The following TMCO1 variants were observed in gnomAD, a reference collection of about 807,000 sequenced individuals.
The protein encoded by TMCO1 is transmembrane and coiled-coil domains 1.
A neutral mutation model predicts 29.3 loss-of-function variants in TMCO1; 29 were observed. The ratio of observed to expected loss-of-function variants is 0.99; its 90% CI spans 0.74 to 1.35. TMCO1 has a LOEUF of 1.35. TMCO1 is among the 40% of genes most tolerant of loss of function. The probability of loss-of-function intolerance (pLI) is 0.00; values close to 1 mark genes in which losing one functional copy is unlikely to be tolerated. For synonymous variants in TMCO1, 80 were observed against 77.1 expected (o/e 1.04, Z -0.20); for missense variants, 173 against 225.5 (o/e 0.77, Z 1.49).
chr1:165,728,206 T>C, intron 6 of TMCO1, 85 bp from the exon 7 acceptor site: 1 of 1,010,126 alleles, frequency 9.9e-7, no homozygotes, highest in South Asian at 1.3e-5. Flanking sequence ...CAAAGGGAAC[T>C]CATACTCATA....
rs891229302 is a variant in TMCO1 at position 165,727,609 on chromosome 1, C to T, written c.*414G>A. 1 of 446,070 alleles carries T rather than the reference C, an allele frequency of 2.2e-6. No individual in the cohort carries two copies. The highest frequency in any genetic ancestry group is 2.4e-5 in the Admixed American group (1 of 41,500). 27.6% of individuals were successfully genotyped at this position (446,070 alleles called of 1,614,324 possible). ...TCATGTATTTGGCTTGAAAAAAAAA[C>T]AACAACAAAACAAACAGTTACAAGG... is the stretch of plus-strand genomic sequence containing the variant. On this transcript the variant is annotated 3_prime_UTR_variant, in exon 7 of 7. Transcript: ENST00000367881.
chr1:165,728,007 T>C lies in TMCO1; in HGVS notation c.*16A>G. On this transcript the variant is annotated 3_prime_UTR_variant, in exon 7 of 7. Coordinates refer to ENST00000367881, the MANE Select transcript of TMCO1 (RefSeq NM_019026.6). Reference sequence around the variant, plus strand: ...TGTGTCTAGAAAGAATGATAGAAAATAAAGAGTTCTTGAGTTCAAGAGAAC... The same window carrying C: ...TGTGTCTAGAAAGAATGATAGAAAACAAAGAGTTCTTGAGTTCAAGAGAAC... The C allele has an allele frequency of 1.3e-6, 2 of 1,581,372 alleles. No individual in the cohort carries two copies. The highest frequency in any genetic ancestry group is 2.2e-5 in the South Asian group (2 of 90,428).
chr1:165,734,667 G>A (rs553440532), intron 6 of TMCO1, among the ~76,000 whole-genome samples: 4 of 151,864 alleles, frequency 2.6e-5, no homozygotes, highest in Admixed American at 6.6e-5. Context: ...CACCATGCCC[G>A]GCTAATTTTG....
intron 6 of TMCO1, 86 bp from the exon 7 acceptor site, chr1:165,728,207 C>A: frequency 1.0e-6 from 1 of 991,194 alleles, no homozygotes; most frequent in Non-Finnish European, 1.6e-6. Context: ...AAAGGGAACT[C>A]ATACTCATAT....
intron 6 of TMCO1, among the ~76,000 whole-genome samples, chr1:165,732,022 G>C (rs972434505): frequency 1.3e-5 from 2 of 152,190 alleles, no homozygotes; most frequent in African/African-American, 2.4e-5. Flanking sequence ...GTGAAACCTA[G>C]GTCTTCCATT....
At chr1:165,758,376 C>T (rs780325901) in intron 3 of TMCO1, among the ~76,000 whole-genome samples, 4 of 151,858 alleles carry the variant, frequency 2.6e-5, no homozygotes, top group Non-Finnish European at 5.9e-5. Context: ...GCTAACATGG[C>T]AAAATCCCGT....
chr1:165,751,665 A>G (rs534459495), intron 5 of TMCO1, among the ~76,000 whole-genome samples: 2 of 151,970 alleles, frequency 1.3e-5, no homozygotes, highest in South Asian at 4.2e-4. Flanking sequence ...AGATTGCGCC[A>G]CTGCACTCCA....
rs757469238 is a variant in TMCO1, at chr1:165,759,592, C to A, written c.149-8G>T. 1.8e-5 allele frequency: 29 copies of A among 1,610,980 alleles called. No homozygotes were observed. The East Asian group carries it at 2.5e-4, about 14-fold the overall frequency. On this transcript the variant is annotated splice_region_variant and splice_polypyrimidine_tract_variant and intron_variant, in intron 2 of 6. Coordinates refer to ENST00000367881, the MANE Select transcript of TMCO1 (RefSeq NM_019026.6). ...TTTCCTTCTTCTTTTCCACTGTAAACAACATAGTAACACAGTAAAAATTAA... is the reference window on the plus strand; with the variant it reads ...TTTCCTTCTTCTTTTCCACTGTAAAAAACATAGTAACACAGTAAAAATTAA...
chr1:165,727,208 A>C lies in TMCO1; in HGVS notation c.*815T>G, dbSNP rs755039219. 2.2e-6 allele frequency: 1 copy of C among 454,060 alleles called. No individual in the cohort carries two copies. The highest frequency in any genetic ancestry group is 1.6e-5 in the South Asian group (1 of 64,462). The allele number at this position is 454,060 out of a possible 1,614,324, so 28.1% of individuals were successfully genotyped here. A position where few individuals can be genotyped will look rare whatever the true frequency, so the allele number is the denominator to read the frequency against. ...TAACCTTGTCTCCAAGGGAGATCTA[A>C]GAGTGCCCCCACAAGAATCTGAGAG... On this transcript the variant is annotated 3_prime_UTR_variant, in exon 7 of 7. Transcript: ENST00000367881.
chr1:165,742,509 C>T lies in TMCO1; in HGVS notation c.468+658G>A, dbSNP rs138122048. Among the ~76,000 whole-genome samples the T allele has an allele frequency of 4.5e-3, 686 of 152,296 alleles. 8 individuals are homozygous for T. The highest frequency in any genetic ancestry group is 0.016 in the African/African-American group (648 of 41,564). On this transcript the variant is annotated intron_variant, in intron 6 of 6. Coordinates refer to ENST00000367881, the MANE Select transcript of TMCO1 (RefSeq NM_019026.6). ...AATTCCCGAGCTCAGGTGATTCTCA[C>T]GCCTCAGCCTACCAAATTGCTGGAA...
At chr1:165,766,964 T>C (rs968616537) in intron 2 of TMCO1, among the ~76,000 whole-genome samples, 2 of 152,112 alleles carry the variant, frequency 1.3e-5, no homozygotes, top group Non-Finnish European at 2.9e-5. Flanking sequence ...GATAACGAGT[T>C]TGGCCCAGAT....
At chr1:165,725,005 T>C (rs1005295195), downstream of TMCO1, 1 of 276,824 alleles carries the variant, frequency 3.6e-6, no homozygotes, top group Non-Finnish European at 6.7e-6. Flanking sequence ...TCTCTCTCTC[T>C]CTCTCTCTCT....
At chr1:165,761,179 G>GTC (rs1372824811) in intron 2 of TMCO1, among the ~76,000 whole-genome samples, 1 of 151,968 alleles carries the variant, frequency 6.6e-6, no homozygotes, top group East Asian at 1.9e-4. Flanking sequence ...ATTTGTGTGT[G>GTC]TGTGTGTGTG....
At chr1:165,765,599 GT>G (rs1410785687) in intron 2 of TMCO1, among the ~76,000 whole-genome samples, 1 of 152,172 alleles carries the variant, frequency 6.6e-6, no homozygotes, top group Non-Finnish European at 1.5e-5. Context: ...TTTAAATAGA[GT>G]GGTCAACTTA....
chr1:165,761,271 A>T (rs1652393175), intron 2 of TMCO1, among the ~76,000 whole-genome samples: 1 of 152,150 alleles, frequency 6.6e-6, no homozygotes, highest in Non-Finnish European at 1.5e-5. Context: ...ATGGTGGCTC[A>T]AACCTGTAAT....
intron 5 of TMCO1, among the ~76,000 whole-genome samples, chr1:165,747,418 G>A (rs1433767093): frequency 2.0e-5 from 3 of 152,030 alleles, no homozygotes; most frequent in African/African-American, 7.2e-5. Flanking sequence ...GTTTCTGGAT[G>A]GGAATACTAA....
downstream of TMCO1, chr1:165,726,169 T>G: frequency 4.3e-6 from 3 of 693,940 alleles, no homozygotes; most frequent in Non-Finnish European, 7.9e-6. Context: ...TTCATTATCA[T>G]TCGAATTATT....
chr1:165,753,766 G>T (rs992204266), intron 4 of TMCO1, among the ~76,000 whole-genome samples: 1 of 152,056 alleles, frequency 6.6e-6, no homozygotes, highest in African/African-American at 2.4e-5. Flanking sequence ...AGCTCTGATC[G>T]TGCTACTGCA....
At chr1:165,741,891 T>C (rs891659858) in intron 6 of TMCO1, among the ~76,000 whole-genome samples, 1 of 152,248 alleles carries the variant, frequency 6.6e-6, no homozygotes, top group Admixed American at 6.5e-5. Flanking sequence ...CATTCCGCCA[T>C]GATTCTAAGT....
Sources: allele counts gnomAD v4.1 joint callset (sites outside exome capture counted in the v4.1 genomes callset), GRCh38; gene constraint gnomAD v4.1.1; transcripts MANE v1.5; gene names NCBI Gene and HGNC (gene_info 2026-07-23, HGNC 2026-07-21).